The following FAF1 variants were observed in gnomAD, a reference collection of about 807,000 sequenced individuals.
FAF1 encodes the protein FAS-associated factor 1.
FAF1 carries 25 observed loss-of-function variants against 92.5 expected under a neutral mutation model. That is an observed-to-expected ratio of 0.27 (90% CI 0.20 to 0.38). FAF1 has a LOEUF of 0.38. FAF1 is among the 10% of genes least tolerant of loss of function. The pLI is 1.00. For synonymous variants in FAF1, 234 were observed against 273.2 expected (o/e 0.86, Z 1.42); for missense variants, 636 against 793.3 (o/e 0.80, Z 2.38).
At chr1:50,481,861 AT>A (rs1335022572) in intron 17 of FAF1, among the ~76,000 whole-genome samples, 1 of 152,180 alleles carries the variant, frequency 6.6e-6, no homozygotes, top group African/African-American at 2.4e-5. Flanking sequence ...TGACTGAAGA[AT>A]AGCAAGGCAG....
At chr1:50,855,191 C>T (rs985463086) in intron 2 of FAF1, among the ~76,000 whole-genome samples, 3 of 151,788 alleles carry the variant, frequency 2.0e-5, no homozygotes, top group Non-Finnish European at 4.4e-5. Context: ...GATCAGAGAT[C>T]ATGTGTCTTA....
At chr1:50,628,247 A>C (rs1653601610) in intron 8 of FAF1, among the ~76,000 whole-genome samples, 1 of 152,198 alleles carries the variant, frequency 6.6e-6, no homozygotes, top group Non-Finnish European at 1.5e-5. Flanking sequence ...TCCTGAGAAA[A>C]TAGAAGGTGA....
intron 2 of FAF1, among the ~76,000 whole-genome samples, chr1:50,819,634 T>TCACACACACACACA (rs1291338974): frequency 1.2e-5 from 1 of 86,318 alleles, no homozygotes; most frequent in African/African-American, 6.4e-5. Context: ...ACTGACTGAC[T>TCACACACACACACA]CACTCACACA....
At chr1:50,740,300 C>T (rs901950200) in intron 5 of FAF1, among the ~76,000 whole-genome samples, 1 of 152,020 alleles carries the variant, frequency 6.6e-6, no homozygotes, top group Non-Finnish European at 1.5e-5. Flanking sequence ...GAGAATGTGA[C>T]ATTTGAGCAA....
At chr1:50,929,137 T>A (rs1006362381) in intron 1 of FAF1, among the ~76,000 whole-genome samples, 4 of 151,956 alleles carry the variant, frequency 2.6e-5, no homozygotes, top group Non-Finnish European at 5.9e-5. Flanking sequence ...TGATTCTTTT[T>A]TTAATCAAAA....
At position 50,453,108 on chromosome 1, in the gene FAF1, T is replaced by G. The variant is rs1418840818; in HGVS notation, c.1870-11585A>C. ...ACGGTAGTGTTTCTGAGAAGGCTCC[T>G]AGCAGGACTTCAATGAAAGACGTGG... is the stretch of plus-strand genomic sequence containing the variant. On this transcript the variant is annotated intron_variant, in intron 18 of 18. Transcript: ENST00000396153. 5.3e-5 allele frequency among the ~76,000 whole-genome samples: 8 copies of G among 152,356 alleles called. No individual in the cohort carries two copies. In the South Asian group the frequency reaches 1.7e-3, roughly 32 times the overall value.
chr1:50,705,973 G>C, intron 6 of FAF1, 82 bp from the exon 7 acceptor site: 1 of 754,996 alleles, frequency 1.3e-6, no homozygotes. Context: ...AAAACCCCAG[G>C]AGTACCCTAA....
chr1:50,490,776 T>C, intron 16 of FAF1, 111 bp from the exon 17 acceptor site: 1 of 742,752 alleles, frequency 1.3e-6, no homozygotes, highest in Non-Finnish European at 2.4e-6. Flanking sequence ...TATGTGACAT[T>C]CAAAGGCTCA....
intron 8 of FAF1, among the ~76,000 whole-genome samples, chr1:50,631,991 G>A (rs970844176): frequency 1.3e-5 from 2 of 152,120 alleles, no homozygotes; most frequent in African/African-American, 4.8e-5. Flanking sequence ...TACTACAGAT[G>A]TACATGTATA....
At chr1:50,670,845 A>G (rs1209000460) in intron 7 of FAF1, among the ~76,000 whole-genome samples, 6 of 152,058 alleles carry the variant, frequency 3.9e-5, no homozygotes, top group Non-Finnish European at 8.8e-5. Flanking sequence ...CAGGGAAATT[A>G]CTTGAGCCCA....
chr1:50,612,393 A>T, intron 8 of FAF1: 2 of 1,205,208 alleles, frequency 1.7e-6, no homozygotes, highest in Non-Finnish European at 2.1e-6. Context: ...TAGTGGAGAA[A>T]CCTCATTATT....
intron 1 of FAF1, among the ~76,000 whole-genome samples, chr1:50,926,334 A>G (rs1395694025): frequency 1.3e-5 from 2 of 152,202 alleles, no homozygotes; most frequent in African/African-American, 4.8e-5. Context: ...GCACAGAAAG[A>G]TAAATACATG....
At chr1:50,844,637 A>C (rs1217348272) in intron 2 of FAF1, among the ~76,000 whole-genome samples, 1 of 151,608 alleles carries the variant, frequency 6.6e-6, no homozygotes, top group East Asian at 1.9e-4. Flanking sequence ...GAGCCAAGAA[A>C]CTGATTCGGG....
At chr1:50,783,443 G>A (rs920129110) in intron 4 of FAF1, among the ~76,000 whole-genome samples, 16 of 152,164 alleles carry the variant, frequency 1.1e-4, no homozygotes, top group African/African-American at 3.9e-4. Context: ...AAATACAGAT[G>A]CAAAGATCCT....
At chr1:50,835,970 T>C (rs1027570799) in intron 2 of FAF1, among the ~76,000 whole-genome samples, 2 of 152,038 alleles carry the variant, frequency 1.3e-5, no homozygotes, top group Non-Finnish European at 2.9e-5. Context: ...CTGCAAGGCT[T>C]AGGAGGGAAG....
intron 13 of FAF1, among the ~76,000 whole-genome samples, chr1:50,546,448 C>T (rs992968413): frequency 8.5e-5 from 13 of 152,156 alleles, no homozygotes; most frequent in African/African-American, 3.1e-4. Flanking sequence ...TCACTGCAAC[C>T]TTTGCCACCT....
At position 50,635,573 on chromosome 1, in the gene FAF1, A is replaced by G. The variant is rs183058555; in HGVS notation, c.744+19869T>C. ...CCTGAGTAGCTGCGACCACGGGTGCATGCCACTATACCCAACTAATTTTTG... is the reference window on the plus strand; with the variant it reads ...CCTGAGTAGCTGCGACCACGGGTGCGTGCCACTATACCCAACTAATTTTTG... On this transcript the variant is annotated intron_variant, in intron 8 of 18. Coordinates refer to ENST00000396153, the MANE Select transcript of FAF1 (RefSeq NM_007051.3). Among the ~76,000 whole-genome samples, 425 of 152,222 alleles carry G rather than the reference A, an allele frequency of 2.8e-3. 2 individuals are homozygous for G. The highest frequency in any genetic ancestry group is 5.4e-3 in the Admixed American group (83 of 15,286).
At chr1:50,940,520 A>T (rs1181411470) in intron 1 of FAF1, among the ~76,000 whole-genome samples, 1 of 152,202 alleles carries the variant, frequency 6.6e-6, no homozygotes, top group Non-Finnish European at 1.5e-5. Context: ...TCTGCCTCCC[A>T]AAGTGCTGGG....
At chr1:50,822,435 G>T (rs988486166) in intron 2 of FAF1, among the ~76,000 whole-genome samples, 2 of 152,160 alleles carry the variant, frequency 1.3e-5, no homozygotes, top group South Asian at 2.1e-4. Flanking sequence ...AGGAACAAAA[G>T]GATTTGACAA....
Sources: gnomAD v4.1 joint callset for allele counts (sites outside exome capture counted in the v4.1 genomes callset) on GRCh38, gnomAD v4.1.1 for gene constraint, MANE v1.5 for transcripts, NCBI Gene and HGNC (gene_info 2026-07-23, HGNC 2026-07-21) for gene names.